Variants in FRYL observed in about 807,000 individuals in gnomAD.
The protein encoded by FRYL is FRY like transcription coactivator.
In FRYL, 150 loss-of-function variants were observed where a neutral mutation model predicts 351.2. That is an observed-to-expected ratio of 0.43 (90% confidence interval 0.37 to 0.49). FRYL has a LOEUF of 0.49. FRYL is among the 20% of genes least tolerant of loss of function. The pLI is 0.00. For missense variants in FRYL, 3,036 were observed against 3,619.3 expected (o/e 0.84, Z 4.13); for synonymous variants, 1,153 against 1,257.1 (o/e 0.92, Z 1.75).
intron 2 of FRYL, among the ~76,000 whole-genome samples, chr4:48,686,990 T>A (rs1765204532): frequency 6.6e-6 from 1 of 152,228 alleles, no homozygotes; most frequent in Non-Finnish European, 1.5e-5. Flanking sequence ...TGGCTTTCTT[T>A]ATAGGTTATA....
intron 3 of FRYL, among the ~76,000 whole-genome samples, chr4:48,665,781 C>T (rs915262893): frequency 1.3e-5 from 2 of 152,046 alleles, no homozygotes; most frequent in Non-Finnish European, 2.9e-5. Context: ...CTGCAACTAC[C>T]CAGGGTGTAC....
chr4:48,562,855 G>C, intron 32 of FRYL, 34 bp downstream of exon 32: 1 of 1,214,014 alleles, frequency 8.2e-7, no homozygotes, highest in Non-Finnish European at 1.2e-6. Flanking sequence ...TAAATCCTGA[G>C]TAAAAAAATA....
intron 1 of FRYL, among the ~76,000 whole-genome samples, chr4:48,744,378 A>G (rs966405810): frequency 6.6e-6 from 1 of 152,208 alleles, no homozygotes; most frequent in Non-Finnish European, 1.5e-5. Context: ...AAAGAAAGCC[A>G]GTCAGCCTGT....
At chr4:48,732,960 A>G (rs1437043778) in intron 1 of FRYL, among the ~76,000 whole-genome samples, 3 of 151,302 alleles carry the variant, frequency 2.0e-5, no homozygotes, top group African/African-American at 7.3e-5. Context: ...AAGTAAGAAG[A>G]AAGTGGAATG....
In FRYL at chr4:48,754,938, G is replaced by A. The variant is rs374693727; in HGVS notation, c.-384+25140C>T. Among the ~76,000 whole-genome samples, 35 of 152,216 alleles carry A rather than the reference G, an allele frequency of 2.3e-4. 1 individual carries two copies. Among genetic ancestry groups the A allele is most frequent in the South Asian group, 1.9e-3 (9 of 4,826 alleles). On this transcript the variant is annotated intron_variant, in intron 1 of 63. Transcript: ENST00000358350. ...ATTACAGGCGTGAGCCACTGCACCC[G>A]GCCCTGAATCGTTTTCAATTGTGAC...
rs1285788504 is a variant in FRYL at position 48,498,782 on chromosome 4, A to C, written c.*640T>G. 3 of 152,672 alleles carry C rather than the reference A, an allele frequency of 2.0e-5. No individual in the cohort carries two copies. Among genetic ancestry groups the C allele is most frequent in the Non-Finnish European group, 4.4e-5 (3 of 68,128 alleles). The allele number at this position is 152,672 out of a possible 1,614,324, so 9.5% of individuals were successfully genotyped here. A position where few individuals can be genotyped will look rare whatever the true frequency, so the allele number is the denominator to read the frequency against. ...TCTGAGACGTTATCACCAAACATCC[A>C]TACCTTGAAAATATGACTATCACAT... is the stretch of plus-strand genomic sequence containing the variant. On this transcript the variant is annotated 3_prime_UTR_variant, in exon 64 of 64. Coordinates refer to ENST00000358350, the MANE Select transcript of FRYL (RefSeq NM_015030.2).
chr4:48,711,734 G>A (rs1388377624), intron 1 of FRYL, among the ~76,000 whole-genome samples: 1 of 152,206 alleles, frequency 6.6e-6, no homozygotes, highest in African/African-American at 2.4e-5. Flanking sequence ...GCATGCAGCT[G>A]GAGATCTGAG....
At chr4:48,743,397 C>T in intron 1 of FRYL, among the ~76,000 whole-genome samples, 1 of 152,028 alleles carries the variant, frequency 6.6e-6, no homozygotes, top group Admixed American at 6.6e-5. Context: ...AAATATCAAG[C>T]TTCCATATAA....
chr4:48,630,370 A>G (rs1371690594), intron 4 of FRYL, among the ~76,000 whole-genome samples: 1 of 152,174 alleles, frequency 6.6e-6, no homozygotes, highest in Non-Finnish European at 1.5e-5. Context: ...AGACACATAC[A>G]TATATTTATA....
chr4:48,527,746 C>T, intron 52 of FRYL, 93 bp from the exon 53 acceptor site: 1 of 1,262,204 alleles, frequency 7.9e-7, no homozygotes, highest in Non-Finnish European at 1.1e-6. Context: ...CCGCAGGCCT[C>T]ATTCTTCAAT....
At position 48,557,436 on chromosome 4, in the gene FRYL, T is replaced by C. The variant is rs753031526; in HGVS notation, c.4125+17A>G. The C allele has an allele frequency of 2.5e-6, 4 of 1,613,068 alleles. No individual in the cohort carries two copies. The highest frequency in any genetic ancestry group is 2.5e-6 in the Non-Finnish European group (3 of 1,179,102). ...AATAATTCTGTGCAGCAATTATAAA[T>C]ACAAAACTCATTTTACCTTTGCTGT... On this transcript the variant is annotated intron_variant, in intron 34 of 63. Coordinates refer to ENST00000358350, the MANE Select transcript of FRYL (RefSeq NM_015030.2).
chr4:48,716,513 A>G (rs1768848677), intron 1 of FRYL, among the ~76,000 whole-genome samples: 1 of 151,700 alleles, frequency 6.6e-6, no homozygotes, highest in African/African-American at 2.4e-5. Flanking sequence ...CAGCCAAAAA[A>G]CACACGAAAA....
At chr4:48,711,280 C>A (rs886498228) in intron 1 of FRYL, among the ~76,000 whole-genome samples, 1 of 150,880 alleles carries the variant, frequency 6.6e-6, no homozygotes, top group Non-Finnish European at 1.5e-5. Flanking sequence ...ACTCGGGAAG[C>A]GCAAGGGGTC....
intron 1 of FRYL, among the ~76,000 whole-genome samples, chr4:48,742,973 ATTTTTTTTTT>A (rs71191256): frequency 1.5e-4 from 12 of 81,746 alleles, no homozygotes; most frequent in Admixed American, 3.8e-4. Flanking sequence ...CGCCTGGATA[ATTTTTTTTTT>A]TTTTTTTTTT....
chr4:48,563,848 G>A, intron 31 of FRYL, 100 bp downstream of exon 31: 1 of 1,288,908 alleles, frequency 7.8e-7, no homozygotes. Context: ...AGATACTGAA[G>A]GACAACTAAA....
In FRYL at chr4:48,711,947, C is replaced by T. The variant is rs527376495; in HGVS notation, c.-383-1249G>A. Among the ~76,000 whole-genome samples the T allele has an allele frequency of 2.3e-4, 35 of 152,334 alleles. No individual in the cohort carries two copies. In the South Asian group the frequency reaches 6.4e-3, roughly 28 times the overall value. On this transcript the variant is annotated intron_variant, in intron 1 of 63. Transcript: ENST00000358350. ...CTCTGCAAACACCGCTGCTAATACC[C>T]AGGCAAACAGGGTCTGGAGTGGACC...
intron 1 of FRYL, among the ~76,000 whole-genome samples, chr4:48,722,723 C>T (rs979928939): frequency 2.0e-5 from 3 of 152,168 alleles, no homozygotes; most frequent in Non-Finnish European, 4.4e-5. Context: ...AACAATGGGC[C>T]TTGGGAAGCA....
chr4:48,653,452 C>T (rs1204895282), intron 3 of FRYL, among the ~76,000 whole-genome samples: 1 of 151,932 alleles, frequency 6.6e-6, no homozygotes, highest in Non-Finnish European at 1.5e-5. Flanking sequence ...TTGCGAGAAA[C>T]TTTGCCAGAA....
At chr4:48,542,287 A>G (rs1356050821) in intron 44 of FRYL, among the ~76,000 whole-genome samples, 166 bp from the exon 45 acceptor site, 6 of 152,262 alleles carry the variant, frequency 3.9e-5, no homozygotes, top group South Asian at 2.1e-4. Context: ...CATCCAATCA[A>G]TGGTGTATAA....
Sources: gnomAD v4.1 joint callset for allele counts (sites outside exome capture counted in the v4.1 genomes callset) on GRCh38, gnomAD v4.1.1 for gene constraint, MANE v1.5 for transcripts, NCBI Gene and HGNC (gene_info 2026-07-23, HGNC 2026-07-21) for gene names.